CXADR: variants seen among roughly 807,000 people sequenced by gnomAD.
CXADR encodes the protein CXADR cell adhesion molecule.
In CXADR, 20 loss-of-function variants were observed where a neutral mutation model predicts 40.3. The ratio of observed to expected loss-of-function variants is 0.50; its 90% CI spans 0.35 to 0.72. The LOEUF (loss-of-function observed/expected upper bound fraction) is 0.72. CXADR is among the 30% of genes least tolerant of loss of function. The probability of loss-of-function intolerance (pLI) is 0.01; values close to 1 mark genes in which losing one functional copy is unlikely to be tolerated. For synonymous variants in CXADR, 150 were observed against 161.3 expected (o/e 0.93, Z 0.53); for missense variants, 332 against 449.1 (o/e 0.74, Z 2.36).
chr21:17,552,564 C>T (rs940769109), intron 3 of CXADR, among the ~76,000 whole-genome samples: 1 of 151,332 alleles, frequency 6.6e-6, no homozygotes, highest in Non-Finnish European at 1.5e-5. Context: ...ATAATGTCTA[C>T]AAGCACTCTT....
At chr21:17,570,347 A>G (rs1028518831), downstream of CXADR, among the ~76,000 whole-genome samples, 3 of 152,172 alleles carry the variant, frequency 2.0e-5, no homozygotes, top group African/African-American at 7.2e-5. Context: ...GAAACCTCCA[A>G]CGTTCTGTGA....
chr21:17,590,403 C>T (rs1383306371), intron 7 of CXADR, among the ~76,000 whole-genome samples: 1 of 151,818 alleles, frequency 6.6e-6, no homozygotes, highest in African/African-American at 2.4e-5. Flanking sequence ...CCTTATGTTA[C>T]CCTTAAAAGT....
intron 1 of CXADR, among the ~76,000 whole-genome samples, chr21:17,529,721 T>C (rs2060645873): frequency 6.6e-6 from 1 of 152,212 alleles, no homozygotes; most frequent in Non-Finnish European, 1.5e-5. Flanking sequence ...CTTCAGGTAT[T>C]CTAAAATTTA....
chr21:17,513,858 G>A (rs1304215017), intron 1 of CXADR, among the ~76,000 whole-genome samples: 3 of 152,234 alleles, frequency 2.0e-5, no homozygotes, highest in Non-Finnish European at 4.4e-5. Flanking sequence ...TGGGCGAAGT[G>A]CAAAGGAGAA....
At chr21:17,635,304 A>G in the CXADR span, among the ~76,000 whole-genome samples, 1 of 152,196 alleles carries the variant, frequency 6.6e-6, no homozygotes, top group South Asian at 2.1e-4. Context: ...TAATGTGAAG[A>G]TAGTCTTTGC....
In CXADR at chr21:17,568,933, A is replaced by T. The variant is rs2061250297; in HGVS notation, c.*3241A>T. 1 of 984,644 alleles carries T rather than the reference A, an allele frequency of 1.0e-6. No individual in the cohort carries two copies. The highest frequency in any genetic ancestry group is 1.7e-5 in the African/African-American group (1 of 57,214). The allele number at this position is 984,644 out of a possible 1,614,324, so 61.0% of individuals were successfully genotyped here. A position where few individuals can be genotyped will look rare whatever the true frequency, so the allele number is the denominator to read the frequency against. ...TCTTAGGGAGAGTTTGATTGAAAAA[A>T]TCCAAATCACTATCCATATAGATCA... On this transcript the variant is annotated 3_prime_UTR_variant, in exon 7 of 7. Transcript: ENST00000284878.
chr21:17,561,526 T>A (rs750100259), intron 6 of CXADR, 50 bp downstream of exon 6: 1 of 1,509,064 alleles, frequency 6.6e-7, no homozygotes, highest in Non-Finnish European at 9.0e-7. Context: ...TATATGTCAT[T>A]TCTCTAAAGC....
the CXADR span, among the ~76,000 whole-genome samples, chr21:17,601,224 G>C: frequency 2.7e-5 from 4 of 149,848 alleles, no homozygotes; most frequent in Admixed American, 1.3e-4. Flanking sequence ...TTCTCATTCT[G>C]GCTCTGCCAC....
At chr21:17,597,636 TACATATACATAC>T (rs1339822039), downstream of CXADR, among the ~76,000 whole-genome samples, 3 of 151,972 alleles carry the variant, frequency 2.0e-5, no homozygotes, top group Non-Finnish European at 4.4e-5. Context: ...TATATACATA[TACATATACATAC>T]ACATATACAT....
chr21:17,627,452 G>A, the CXADR span, among the ~76,000 whole-genome samples: 1 of 152,132 alleles, frequency 6.6e-6, no homozygotes, highest in Non-Finnish European at 1.5e-5. Context: ...TTGAGAGATT[G>A]ATGAAAGACA....
At chr21:17,571,705 G>T (rs1601043003), downstream of CXADR, among the ~76,000 whole-genome samples, 1 of 152,266 alleles carries the variant, frequency 6.6e-6, no homozygotes, top group Middle Eastern at 3.4e-3. Context: ...TTACTTAGAT[G>T]ATTTTTAAAT....
intron 7 of CXADR, among the ~76,000 whole-genome samples, chr21:17,590,962 T>TAA (rs1555876631): frequency 9.9e-5 from 15 of 152,064 alleles, no homozygotes; most frequent in Non-Finnish European, 2.2e-4. Context: ...GAGTAGTTTG[T>TAA]AACAAGAAAC....
intron 2 of CXADR, among the ~76,000 whole-genome samples, chr21:17,549,435 T>G (rs1244116647): frequency 6.6e-6 from 1 of 152,218 alleles, no homozygotes; most frequent in African/African-American, 2.4e-5. Flanking sequence ...TCTGTAAGCT[T>G]ATAAATGATA....
chr21:17,610,934 T>C, the CXADR span, among the ~76,000 whole-genome samples: 6 of 152,284 alleles, frequency 3.9e-5, no homozygotes, highest in South Asian at 6.2e-4. Context: ...TTCTACACAG[T>C]TATCTGAGAG....
downstream of CXADR, chr21:17,594,312 T>C: frequency 6.2e-7 from 1 of 1,612,706 alleles, no homozygotes; most frequent in Non-Finnish European, 8.5e-7. Context: ...TTGGAAGAGG[T>C]GGAAATATAA....
the CXADR span, chr21:17,612,260 T>A: frequency 6.6e-6 from 1 of 152,160 alleles, no homozygotes; most frequent in Non-Finnish European, 1.5e-5. Flanking sequence ...GCGGGTCCGC[T>A]GTCCCCGGCG....
chr21:17,603,330 C>A, the CXADR span, among the ~76,000 whole-genome samples: 1 of 152,132 alleles, frequency 6.6e-6, no homozygotes, highest in African/African-American at 2.4e-5. Flanking sequence ...TTTGAGATAG[C>A]TTGCTCCTTT....
downstream of CXADR, among the ~76,000 whole-genome samples, chr21:17,572,384 G>A (rs2934945): frequency 0.91 from 136,461 of 149,894 alleles, 62,364 homozygotes; most frequent in Non-Finnish European, 0.95. Context: ...AAAAAAAAAA[G>A]GGGCAGTATC....
Position 17,566,755 on chromosome 21 carries a change from A to C in CXADR, c.*1063A>C. On this transcript the variant is annotated 3_prime_UTR_variant, in exon 7 of 7. Transcript: ENST00000284878. ...CTCTTGAATATAATCCCTGGATGATATTTTTTATCATAAATGCAGAATAAT... is the reference window on the plus strand; with the variant it reads ...CTCTTGAATATAATCCCTGGATGATCTTTTTTATCATAAATGCAGAATAAT... The C allele has an allele frequency of 1.0e-6, 1 of 965,936 alleles. No individual in the cohort carries two copies. Among genetic ancestry groups the C allele is most frequent in the Non-Finnish European group, 1.2e-6 (1 of 812,380 alleles). 59.8% of individuals were successfully genotyped at this position (965,936 alleles called of 1,614,324 possible).
Sources: gnomAD v4.1 joint callset for allele counts (sites outside exome capture counted in the v4.1 genomes callset) on GRCh38, gnomAD v4.1.1 for gene constraint, MANE v1.5 for transcripts, NCBI Gene and HGNC (gene_info 2026-07-23, HGNC 2026-07-21) for gene names.